The following FOLR3 variants were observed in gnomAD, a reference collection of about 807,000 sequenced individuals.
FOLR3 encodes folate receptor gamma, also known as folate receptor 3 (gamma).
A neutral mutation model predicts 20.0 loss-of-function variants in FOLR3; 9 were observed. The ratio of observed to expected loss-of-function variants is 0.45; its 90% CI spans 0.27 to 0.79. The LOEUF is 0.79. Among genes scored for constraint, FOLR3 ranks in the 30% least tolerant of loss-of-function variants. The pLI is 0.15. For synonymous variants in FOLR3, 124 were observed against 115.5 expected, an observed-to-expected ratio of 1.07 and a Z score of -0.47; for missense variants, 309 against 323.5, an observed-to-expected ratio of 0.96 and a Z score of 0.34.
intron 2 of FOLR3, 63 bp from the exon 3 acceptor site, chr11:72,138,898 G>A (rs986693396): frequency 6.3e-7 from 1 of 1,581,896 alleles, no homozygotes; most frequent in South Asian, 1.1e-5. Flanking sequence ...GGGCAGAGGA[G>A]CCAGAATATG....
At chr11:72,136,529 AAAAC>A (rs1189078243) in intron 2 of FOLR3, among the ~76,000 whole-genome samples, 2 of 152,112 alleles carry the variant, frequency 1.3e-5, no homozygotes, top group Non-Finnish European at 2.9e-5. Context: ...TTAAAAAAAA[AAAAC>A]AAATACATAA....
At position 72,138,797 on chromosome 11, in the gene FOLR3, G is replaced by A. The variant is rs184294279; in HGVS notation, c.169-164G>A. The A allele has an allele frequency of 9.8e-5, 73 of 741,692 alleles. 1 individual carries two copies. Among genetic ancestry groups the A allele is most frequent in the Middle Eastern group, 7.2e-4 (3 of 4,170 alleles). The allele number at this position is 741,692 out of a possible 1,614,324, so 45.9% of individuals were successfully genotyped here. A position where few individuals can be genotyped will look rare whatever the true frequency, so the allele number is the denominator to read the frequency against. ...AAATAAATAAATGAATAAATAGGGC[G>A]GAAAGCACCAATATTGTAATTGCCT... On this transcript the variant is annotated intron_variant, in intron 2 of 4. Coordinates refer to ENST00000611028, the MANE Select transcript of FOLR3 (RefSeq NM_000804.4).
chr11:72,139,766 G>A lies in FOLR3; in HGVS notation c.673G>A (p.Val225Met), dbSNP rs749003486. Reference sequence around the variant, plus strand: ...AGCCCAGGGCAACCCCAATGAGGAGGTGGCCAAGTTCTATGCTGCGGCCAT... The same window carrying A: ...AGCCCAGGGCAACCCCAATGAGGAGATGGCCAAGTTCTATGCTGCGGCCAT... ...DSAQGNPNEEVAKFYAAAMNA... is the reference protein window; with the variant it reads ...DSAQGNPNEEMAKFYAAAMNA... Residue 225 changes from valine (V) to methionine (M), a missense_variant, in exon 5 of 5, where the codon GTG (valine) becomes ATG (methionine). By Grantham distance (21) the Val-to-Met change is conservative. Transcript: ENST00000611028. 8.1e-6 allele frequency: 13 copies of A among 1,614,124 alleles called. No individual in the cohort carries two copies. The East Asian group carries it at 2.7e-4, about 33-fold the overall frequency.
chr11:72,139,646 C>G lies in FOLR3; in HGVS notation c.553C>G (p.Pro185Ala), dbSNP rs1236814111. ...CSTFESYFPT[P>A]AALCEGLWSH... ...CACCTTTGAGTCCTACTTCCCCACT[C>G]CAGCCGCCCTTTGTGAAGGCCTCTG... The change falls in exon 5 of 5, where the codon CCA (proline) becomes GCA (alanine). Residue 185 changes from proline to alanine, a missense_variant. By Grantham distance (27) the Pro-to-Ala change is conservative. Coordinates refer to ENST00000611028, the MANE Select transcript of FOLR3 (RefSeq NM_000804.4). 6.2e-7 allele frequency: 1 copy of G among 1,613,478 alleles called. No homozygotes were observed. The highest frequency in any genetic ancestry group is 1.3e-5 in the African/African-American group (1 of 74,894).
Position 72,139,602 on chromosome 11 carries a change from C to G in FOLR3, c.509C>G (p.Pro170Arg). The G allele has an allele frequency of 6.2e-7, 1 of 1,613,732 alleles. No individual in the cohort carries two copies. The highest frequency in any genetic ancestry group is 8.5e-7 in the Non-Finnish European group (1 of 1,179,872). Residue 170 changes from proline to arginine, a missense_variant, in exon 5 of 5, where the codon CCG becomes CGG. Coordinates refer to ENST00000611028, the MANE Select transcript of FOLR3 (RefSeq NM_000804.4). ...CCTCCCTCAGGGATTAATGAGTGTC[C>G]GGCCGGGGCCCTCTGCAGCACCTTT... is the stretch of plus-strand genomic sequence containing the variant. ...WNWTSGINEC[P>R]AGALCSTFES...
chr11:72,138,579 C>A (rs1947769639), intron 2 of FOLR3, among the ~76,000 whole-genome samples: 1 of 151,990 alleles, frequency 6.6e-6, no homozygotes, highest in South Asian at 2.1e-4. Flanking sequence ...TTGAGACCAG[C>A]CTAGGCAACA....
intron 2 of FOLR3, among the ~76,000 whole-genome samples, chr11:72,137,845 C>A (rs1947760344): frequency 6.6e-6 from 1 of 152,012 alleles, no homozygotes; most frequent in Non-Finnish European, 1.5e-5. Context: ...GGATAAAGCG[C>A]AAAAGCCTCA....
At chr11:72,138,450 G>T (rs141904222) in intron 2 of FOLR3, among the ~76,000 whole-genome samples, 192 of 152,188 alleles carry the variant, frequency 1.3e-3, no homozygotes, top group African/African-American at 4.1e-3. Context: ...TCAGACAGTG[G>T]CTCTCCCTCA....
At position 72,139,643 on chromosome 11, in the gene FOLR3, AC is replaced by A; in HGVS notation, c.551del (p.Thr184IlefsTer50). On this transcript the variant is annotated frameshift_variant, in exon 5 of 5. Coordinates refer to ENST00000611028, the MANE Select transcript of FOLR3 (RefSeq NM_000804.4). LOFTEE classifies it low-confidence loss of function (END_TRUNC). Reference protein sequence around the residue: ...LCSTFESYFPTPAALCEGLWS... With the variant: ...LCSTFESYFPXPAALCEGLWS... ...CAGCACCTTTGAGTCCTACTTCCCC[AC>A]TCCAGCCGCCCTTTGTGAAGGCCTC... is the stretch of plus-strand genomic sequence containing the variant. The A allele has an allele frequency of 6.2e-7, 1 of 1,612,954 alleles. No individual in the cohort carries two copies. The highest frequency in any genetic ancestry group is 8.5e-7 in the Non-Finnish European group (1 of 1,179,740).
chr11:72,139,552 C>G, intron 4 of FOLR3, 35 bp from the exon 5 acceptor site: 1 of 1,613,108 alleles, frequency 6.2e-7, no homozygotes, highest in Non-Finnish European at 8.5e-7. Flanking sequence ...GCGGTCTGGC[C>G]CAGAAGCTAA....
rs888635816 is a variant in FOLR3 at position 72,136,200 on chromosome 11, A to G, written c.168+80A>G. 6 of 1,539,848 alleles carry G rather than the reference A, an allele frequency of 3.9e-6. No homozygotes were observed. In the African/African-American group the frequency reaches 6.8e-5, roughly 17 times the overall value. ...GAGCAATGGCAGGTCCAGTGTGGTCAGAACCAAGGGTGCCGCTGCTGACAA... is the reference window on the plus strand; with the variant it reads ...GAGCAATGGCAGGTCCAGTGTGGTCGGAACCAAGGGTGCCGCTGCTGACAA... On this transcript the variant is annotated intron_variant, in intron 2 of 4. Coordinates refer to ENST00000611028, the MANE Select transcript of FOLR3 (RefSeq NM_000804.4).
chr11:72,136,533 C>A (rs200297508), intron 2 of FOLR3, among the ~76,000 whole-genome samples: 1 of 150,672 alleles, frequency 6.6e-6, no homozygotes, highest in Non-Finnish European at 1.5e-5. Context: ...AAAAAAAAAA[C>A]AAATACATAA....
At position 72,139,702 on chromosome 11, in the gene FOLR3, T is replaced by C. The variant is rs1947794254; in HGVS notation, c.609T>C (p.Ser203=). The C allele has an allele frequency of 1.2e-6, 2 of 1,613,674 alleles. No individual in the cohort carries two copies. The highest frequency in any genetic ancestry group is 1.7e-6 in the Non-Finnish European group (2 of 1,179,964). Residue 203 remains serine, a synonymous_variant, in exon 5 of 5, where the codon AGT becomes AGC. Transcript: ENST00000611028. ...WSHSFKVSNY[S]RGSGRCIQMW... is the part of the protein sequence containing the mutation. Reference sequence around the variant, plus strand: ...ACTCCTTCAAGGTCAGCAACTATAGTCGAGGGAGCGGCCGCTGCATCCAGA... The same window carrying C: ...ACTCCTTCAAGGTCAGCAACTATAGCCGAGGGAGCGGCCGCTGCATCCAGA...
chr11:72,138,267 G>A (rs992125749), intron 2 of FOLR3, among the ~76,000 whole-genome samples: 1 of 152,074 alleles, frequency 6.6e-6, no homozygotes, highest in Non-Finnish European at 1.5e-5. Context: ...TTGGGAGGCT[G>A]AGGCAGGAGA....
At chr11:72,136,434 G>A (rs1373159656) in intron 2 of FOLR3, among the ~76,000 whole-genome samples, 1 of 152,064 alleles carries the variant, frequency 6.6e-6, no homozygotes, top group Non-Finnish European at 1.5e-5. Context: ...ACAATCTGTG[G>A]GTTAAAGCGA....
At chr11:72,138,281 G>T (rs1034774480) in intron 2 of FOLR3, among the ~76,000 whole-genome samples, 10 of 151,856 alleles carry the variant, frequency 6.6e-5, no homozygotes, top group Admixed American at 1.3e-4. Flanking sequence ...CAGGAGAATT[G>T]CTTGAACCCG....
At chr11:72,137,395 A>C (rs955653750) in intron 2 of FOLR3, among the ~76,000 whole-genome samples, 10 of 151,110 alleles carry the variant, frequency 6.6e-5, no homozygotes, top group Admixed American at 2.0e-4. Context: ...CCCCACCTGG[A>C]CCTCCAGACC....
rs780854711 is a variant in FOLR3, at chr11:72,139,404, T to C, written c.415T>C (p.Cys139Arg). 2 of 1,612,098 alleles carry C rather than the reference T, an allele frequency of 1.2e-6. No homozygotes were observed. The highest frequency in any genetic ancestry group is 2.2e-5 in the East Asian group (1 of 44,826). The change falls in exon 4 of 5, where the codon TGT becomes CGT. Residue 139 changes from cysteine (C) to arginine (R), a missense_variant. By Grantham distance (180) the Cys-to-Arg change is radical. Coordinates refer to ENST00000611028, the MANE Select transcript of FOLR3 (RefSeq NM_000804.4). ...ILNVPLCKED[C>R]ERWWEDCRTS... Reference sequence around the variant, plus strand: ...GAACGTGCCCCTGTGCAAAGAGGACTGTGAGCGCTGGTGGGAGGACTGTCG... The same window carrying C: ...GAACGTGCCCCTGTGCAAAGAGGACCGTGAGCGCTGGTGGGAGGACTGTCG...
Position 72,139,870 on chromosome 11 carries a change from T to G in FOLR3, c.*39T>G. On this transcript the variant is annotated 3_prime_UTR_variant, in exon 5 of 5. Transcript: ENST00000611028. ...CTCTGGGGTTCTTCCAACAACCTATTCTAATAGACAAATCCACATGTGTCT... is the reference window on the plus strand; with the variant it reads ...CTCTGGGGTTCTTCCAACAACCTATGCTAATAGACAAATCCACATGTGTCT... 1 of 1,605,196 alleles carries G rather than the reference T, an allele frequency of 6.2e-7. No individual in the cohort carries two copies. Among genetic ancestry groups the G allele is most frequent in the Non-Finnish European group, 8.5e-7 (1 of 1,173,890 alleles).
Sources: gnomAD v4.1 joint callset for allele counts (sites outside exome capture counted in the v4.1 genomes callset) on GRCh38, gnomAD v4.1.1 for gene constraint, MANE v1.5 for transcripts, NCBI Gene and HGNC (gene_info 2026-07-23, HGNC 2026-07-21) for gene names.